Variants in LPAR1 observed in about 807,000 individuals in gnomAD.
LPAR1 encodes LPA receptor 1.
Under a neutral mutation model 23.8 loss-of-function variants are expected in LPAR1, and 5 were observed. The observed-to-expected ratio is 0.21, with a 90% CI of 0.11 to 0.44. LPAR1 has a LOEUF of 0.44. Ranked by LOEUF, LPAR1 falls within the 20% of genes least tolerant of loss-of-function variation. LPAR1 has a pLI of 0.99. For synonymous variants in LPAR1, 160 were observed against 164.7 expected, an observed-to-expected ratio of 0.97 and a Z score of 0.22; for missense variants, 311 against 482.8, an observed-to-expected ratio of 0.64 and a Z score of 3.33.
At chr9:110,911,182 A>G (rs2092384693) in intron 5 of LPAR1, among the ~76,000 whole-genome samples, 2 of 152,166 alleles carry the variant, frequency 1.3e-5, no homozygotes, top group South Asian at 4.2e-4. Flanking sequence ...AGCCACCCCA[A>G]TCTTCAGCAA....
intron 2 of LPAR1, among the ~76,000 whole-genome samples, chr9:111,026,083 A>G (rs996846943): frequency 1.3e-5 from 2 of 152,144 alleles, no homozygotes; most frequent in South Asian, 2.1e-4. Flanking sequence ...TGGTAGCTTG[A>G]TGGGAATAGC....
intron 2 of LPAR1, among the ~76,000 whole-genome samples, chr9:111,002,267 T>C (rs2140208468): frequency 6.6e-6 from 1 of 152,320 alleles, no homozygotes; most frequent in Admixed American, 6.5e-5. Context: ...CAAGCTATCA[T>C]AATAAAACTG....
rs937344611 is a variant in LPAR1 at position 111,038,050 on chromosome 9, C to A, written c.-262+117G>T. ...CACGCGCGCCCCCAACCACAAAGCCCGTCCGCGGCGGGACAGTGTGAGCCC... is the reference window on the plus strand; with the variant it reads ...CACGCGCGCCCCCAACCACAAAGCCAGTCCGCGGCGGGACAGTGTGAGCCC... On this transcript the variant is annotated intron_variant, in intron 1 of 5. Coordinates refer to ENST00000683809, the MANE Select transcript of LPAR1 (RefSeq NM_001351411.2). The surrounding 1 kb of genome is among the most constrained non-coding windows in gnomAD (Gnocchi z 4.4). 2.0e-5 allele frequency: 3 copies of A among 151,822 alleles called. No individual in the cohort carries two copies. The highest frequency in any genetic ancestry group is 4.4e-5 in the Non-Finnish European group (3 of 67,938). 9.4% of individuals were successfully genotyped at this position (151,822 alleles called of 1,614,324 possible).
intron 5 of LPAR1, among the ~76,000 whole-genome samples, chr9:110,938,784 G>GA (rs1295675590): frequency 6.6e-6 from 1 of 152,104 alleles, no homozygotes; most frequent in Non-Finnish European, 1.5e-5. Flanking sequence ...TGAAGTGGGA[G>GA]AACTGCTGGA....
At chr9:111,005,546 CAAAAAAA>C (rs60143050) in intron 2 of LPAR1, among the ~76,000 whole-genome samples, 111 of 70,344 alleles carry the variant, frequency 1.6e-3, no homozygotes, top group African/African-American at 7.8e-3. Flanking sequence ...GACCCTGTCT[CAAAAAAA>C]AAAAAAAAAA....
intron 5 of LPAR1, among the ~76,000 whole-genome samples, chr9:110,892,158 G>GTGAA (rs1358976681): frequency 3.9e-5 from 6 of 152,168 alleles, no homozygotes; most frequent in African/African-American, 1.2e-4. Flanking sequence ...AAATCAACAG[G>GTGAA]TGAATATACA....
chr9:110,982,829 A>G (rs1426061704), intron 2 of LPAR1, among the ~76,000 whole-genome samples: 1 of 149,400 alleles, frequency 6.7e-6, no homozygotes, highest in East Asian at 2.0e-4. Context: ...AAAAGACTTG[A>G]GTAGACACTT....
At chr9:110,919,925 T>G (rs1359408251) in intron 5 of LPAR1, among the ~76,000 whole-genome samples, 1 of 152,210 alleles carries the variant, frequency 6.6e-6, no homozygotes, top group African/African-American at 2.4e-5. Flanking sequence ...ACCCCAAAGC[T>G]GCACATCTAT....
At chr9:110,977,899 GGAAGGAAGGAAAGAAGGAAA>G (rs2096593307) in intron 2 of LPAR1, among the ~76,000 whole-genome samples, 3 of 130,800 alleles carry the variant, frequency 2.3e-5, no homozygotes, top group African/African-American at 8.6e-5. Flanking sequence ...AAGGAAGGAA[GGAAGGAAGGAAAGAAGGAAA>G]GAAGGAAAGA....
chr9:110,942,939 TGG>T (rs908565205), intron 4 of LPAR1, among the ~76,000 whole-genome samples: 4 of 151,978 alleles, frequency 2.6e-5, no homozygotes, highest in African/African-American at 9.7e-5. Context: ...TTTTAAAGTG[TGG>T]AGTGAAAATG....
At chr9:110,991,835 C>T (rs996428887) in intron 2 of LPAR1, among the ~76,000 whole-genome samples, 6 of 151,998 alleles carry the variant, frequency 3.9e-5, no homozygotes, top group Non-Finnish European at 5.9e-5. Context: ...TCAGGTGATC[C>T]GCCCACCTCG....
rs1189521750 is a variant in LPAR1, at chr9:111,036,913, AG to A, written c.-261-713del. Among the ~76,000 whole-genome samples, 9 of 152,342 alleles carry A rather than the reference AG, an allele frequency of 5.9e-5. No individual in the cohort carries two copies. In the East Asian group the frequency reaches 1.7e-3, roughly 29 times the overall value. ...ATGGAAATCAAGGGCAGAAAGAACT[AG>A]GTGACATTCTACCTCCCTGTGTATT... On this transcript the variant is annotated intron_variant, in intron 1 of 5. Coordinates refer to ENST00000683809, the MANE Select transcript of LPAR1 (RefSeq NM_001351411.2).
At position 110,941,336 on chromosome 9, in the gene LPAR1, G is replaced by T; in HGVS notation, c.793+85C>A. On this transcript the variant is annotated intron_variant, in intron 5 of 5. Transcript: ENST00000683809. The surrounding 1 kb of genome is among the most constrained non-coding windows in gnomAD (Gnocchi z 6.1). Reference sequence around the variant, plus strand: ...GAATTACCTGGTGAATATTCATACTGTTGGTTACCTCTGACATAAAATAAT... The same window carrying T: ...GAATTACCTGGTGAATATTCATACTTTTGGTTACCTCTGACATAAAATAAT... The T allele has an allele frequency of 2.4e-6, 3 of 1,250,134 alleles. No individual in the cohort carries two copies. The highest frequency in any genetic ancestry group is 2.2e-6 in the Non-Finnish European group (2 of 901,084). The allele number at this position is 1,250,134 out of a possible 1,614,324, so 77.4% of individuals were successfully genotyped here. A position where few individuals can be genotyped will look rare whatever the true frequency, so the allele number is the denominator to read the frequency against.
rs577013393 is a variant in LPAR1, at chr9:110,942,769, C to G, written c.46-601G>C. On this transcript the variant is annotated intron_variant, in intron 4 of 5. Coordinates refer to ENST00000683809, the MANE Select transcript of LPAR1 (RefSeq NM_001351411.2). ...ACATTCCTGTGGTCAGCACTGCCTA[C>G]CCCCACAACTCCTTAAGTTCAGAAT... is the stretch of plus-strand genomic sequence containing the variant. Among the ~76,000 whole-genome samples the G allele has an allele frequency of 7.9e-5, 12 of 152,282 alleles. No homozygotes were observed. The South Asian group carries it at 2.5e-3, about 32-fold the overall frequency.
At chr9:111,000,677 C>T (rs1206990005) in intron 2 of LPAR1, among the ~76,000 whole-genome samples, 1 of 152,176 alleles carries the variant, frequency 6.6e-6, no homozygotes, top group East Asian at 1.9e-4. Context: ...GTTAGAACTC[C>T]AAAGTCTAGG....
At chr9:110,959,642 A>G (rs1297873763) in intron 4 of LPAR1, among the ~76,000 whole-genome samples, 1 of 151,978 alleles carries the variant, frequency 6.6e-6, no homozygotes, top group African/African-American at 2.4e-5. Flanking sequence ...AAAATAAACA[A>G]AAAAAAGTAG....
At chr9:110,894,231 G>A (rs1354779822) in intron 5 of LPAR1, among the ~76,000 whole-genome samples, 1 of 152,150 alleles carries the variant, frequency 6.6e-6, no homozygotes, top group Non-Finnish European at 1.5e-5. Flanking sequence ...GTAACTTGGA[G>A]GACTTTAAAG....
intron 2 of LPAR1, among the ~76,000 whole-genome samples, chr9:110,976,710 C>T (rs898891488): frequency 2.6e-5 from 4 of 152,138 alleles, no homozygotes; most frequent in African/African-American, 4.8e-5. Context: ...CTCTTCTTTC[C>T]TAGTTGTCTC....
intron 5 of LPAR1, among the ~76,000 whole-genome samples, chr9:110,905,845 T>A (rs1261013780): frequency 6.6e-6 from 1 of 152,220 alleles, no homozygotes; most frequent in Non-Finnish European, 1.5e-5. Context: ...AACATGCCAG[T>A]GTGTGCACTT....
Sources: gnomAD v4.1 joint callset for allele counts (sites outside exome capture counted in the v4.1 genomes callset) on GRCh38, gnomAD v4.1.1 for gene constraint, Gnocchi (gnomAD v3.1) non-coding constraint, MANE v1.5 for transcripts, NCBI Gene and HGNC (gene_info 2026-07-23, HGNC 2026-07-21) for gene names.